Variants in ACVR1C observed in about 807,000 individuals in gnomAD.
ACVR1C encodes the protein activin A receptor type 1C, also known as activin receptor type-1C.
A neutral mutation model predicts 57.9 loss-of-function variants in ACVR1C; 23 were observed. The observed-to-expected ratio is 0.40, with a 90% CI of 0.29 to 0.56. The LOEUF is 0.56. ACVR1C is among the 20% of genes least tolerant of loss of function. The pLI, the probability that ACVR1C is intolerant of heterozygous loss-of-function variation, is 0.50. For missense variants in ACVR1C, 480 were observed against 607.9 expected (o/e 0.79, Z 2.21); for synonymous variants, 214 against 215.3 (o/e 0.99, Z 0.05).
rs1485128469 is a variant in ACVR1C, at chr2:157,527,814, G to C, written c.*6104C>G. ...TAAATGTCATTCTACGCTTGCATTT[G>C]TTAGACAAAATTTAGGCACACAATC... is the stretch of plus-strand genomic sequence containing the variant. On this transcript the variant is annotated 3_prime_UTR_variant, in exon 9 of 9. Transcript: ENST00000243349. 6.6e-6 allele frequency: 1 copy of C among 152,154 alleles called. No homozygotes were observed. The highest frequency in any genetic ancestry group is 1.5e-5 in the Non-Finnish European group (1 of 68,014). 9.4% of individuals were successfully genotyped at this position (152,154 alleles called of 1,614,324 possible).
chr2:157,609,767 T>C (rs1682490398), intron 1 of ACVR1C, among the ~76,000 whole-genome samples: 1 of 152,078 alleles, frequency 6.6e-6, no homozygotes, highest in Admixed American at 6.5e-5. Flanking sequence ...CTGATATAAG[T>C]ATAACGGCTC....
intron 2 of ACVR1C, among the ~76,000 whole-genome samples, chr2:157,573,360 A>C (rs1031550405): frequency 1.3e-5 from 2 of 152,184 alleles, no homozygotes; most frequent in Admixed American, 6.5e-5. Context: ...CCCACATTTT[A>C]ATGTTTTGTC....
chr2:157,551,914 G>A (rs1043554784), intron 3 of ACVR1C, among the ~76,000 whole-genome samples: 5 of 152,124 alleles, frequency 3.3e-5, no homozygotes, highest in Non-Finnish European at 4.4e-5. Context: ...TCAACAATTA[G>A]TCACAAAACC....
chr2:157,553,944 T>A (rs34113813), intron 3 of ACVR1C, among the ~76,000 whole-genome samples: 2,220 of 151,574 alleles, frequency 0.015, 24 homozygotes, highest in African/African-American at 0.027. Context: ...GCACTTTGGG[T>A]GGCCAAGGCA....
rs573174487 is a variant in ACVR1C at position 157,594,544 on chromosome 2, T to A, written c.74-7127A>T. 5.9e-5 allele frequency among the ~76,000 whole-genome samples: 9 copies of A among 152,258 alleles called. No homozygotes were observed. The South Asian group carries it at 1.7e-3, about 28-fold the overall frequency. On this transcript the variant is annotated intron_variant, in intron 1 of 8. Coordinates refer to ENST00000243349, the MANE Select transcript of ACVR1C (RefSeq NM_145259.3). ...AAACATCTCTAATTAATATTAAAAA[T>A]TGTTTATCCTGTACTATATGTATTA...
At chr2:157,585,795 T>G (rs1389938321) in intron 2 of ACVR1C, among the ~76,000 whole-genome samples, 2 of 152,158 alleles carry the variant, frequency 1.3e-5, no homozygotes, top group Admixed American at 1.3e-4. Context: ...AGGAAGTCTA[T>G]GGCATCTGAG....
At chr2:157,625,711 G>A (rs1050183488) in intron 1 of ACVR1C, among the ~76,000 whole-genome samples, 2 of 152,034 alleles carry the variant, frequency 1.3e-5, no homozygotes, top group African/African-American at 4.8e-5. Flanking sequence ...AACAACATAG[G>A]GCTTTCTGGA....
chr2:157,546,324 T>C (rs1329100547), intron 4 of ACVR1C, among the ~76,000 whole-genome samples: 2 of 152,218 alleles, frequency 1.3e-5, no homozygotes, highest in African/African-American at 4.8e-5. Flanking sequence ...ACTTTTTTGG[T>C]TAGCCATCTT....
chr2:157,588,236 T>TAC (rs10572950), intron 1 of ACVR1C, among the ~76,000 whole-genome samples: 6,210 of 147,832 alleles, frequency 0.042, 149 homozygotes, highest in Middle Eastern at 0.053. Flanking sequence ...CTCCACTTAC[T>TAC]ACACACACAC....
intron 2 of ACVR1C, among the ~76,000 whole-genome samples, chr2:157,559,662 A>T (rs1688191197): frequency 6.6e-6 from 1 of 152,178 alleles, no homozygotes; most frequent in Non-Finnish European, 1.5e-5. Flanking sequence ...AAATCCCAAA[A>T]GTGAGGTGGG....
At chr2:157,543,474 G>T (rs1164373665) in intron 5 of ACVR1C, among the ~76,000 whole-genome samples, 4 of 152,156 alleles carry the variant, frequency 2.6e-5, no homozygotes, top group African/African-American at 9.7e-5. Context: ...AAAAAAAGTT[G>T]TTATATTTAA....
chr2:157,579,973 G>T (rs1044776330), intron 2 of ACVR1C, among the ~76,000 whole-genome samples: 3 of 151,862 alleles, frequency 2.0e-5, no homozygotes, highest in Non-Finnish European at 2.9e-5. Flanking sequence ...TGTAAAATTT[G>T]TTTATGCCCT....
chr2:157,591,060 G>A (rs1184447391), intron 1 of ACVR1C, among the ~76,000 whole-genome samples: 1 of 152,044 alleles, frequency 6.6e-6, no homozygotes, highest in East Asian at 1.9e-4. Context: ...CTACCGAAGC[G>A]GGTAAAGTCA....
chr2:157,594,765 C>A (rs902194150), intron 1 of ACVR1C, among the ~76,000 whole-genome samples: 3 of 152,108 alleles, frequency 2.0e-5, no homozygotes, highest in African/African-American at 7.2e-5. Context: ...CAAAATAGCA[C>A]CACACTTCAG....
intron 3 of ACVR1C, among the ~76,000 whole-genome samples, chr2:157,553,396 C>CT (rs534657737): frequency 0.21 from 31,418 of 146,766 alleles, 4,567 homozygotes; most frequent in African/African-American, 0.43. Flanking sequence ...ACATTTACTA[C>CT]TTTTTTTTTT....
intron 1 of ACVR1C, among the ~76,000 whole-genome samples, chr2:157,613,090 G>A (rs2105150772): frequency 6.6e-6 from 1 of 152,302 alleles, no homozygotes; most frequent in South Asian, 2.1e-4. Context: ...GGACTGCTAA[G>A]GGTCTCTCAC....
At chr2:157,628,425 C>T (rs1682952185) in intron 1 of ACVR1C, 147 bp downstream of exon 1, 4 of 933,700 alleles carry the variant, frequency 4.3e-6, no homozygotes, top group Non-Finnish European at 5.0e-6. Context: ...CCCTATCCCG[C>T]GCCCCCTCAA....
chr2:157,613,604 T>C (rs1682583104), intron 1 of ACVR1C, among the ~76,000 whole-genome samples: 1 of 152,232 alleles, frequency 6.6e-6, no homozygotes, highest in African/African-American at 2.4e-5. Context: ...CATCTGGTTT[T>C]AAATGCATCT....
chr2:157,587,806 G>C (rs1688962835), intron 1 of ACVR1C, among the ~76,000 whole-genome samples: 1 of 152,000 alleles, frequency 6.6e-6, no homozygotes, highest in Non-Finnish European at 1.5e-5. Context: ...ACATTAAAGT[G>C]GGGTTATGGC....
Sources: gnomAD v4.1 joint callset for allele counts (sites outside exome capture counted in the v4.1 genomes callset) on GRCh38, gnomAD v4.1.1 for gene constraint, MANE v1.5 for transcripts, NCBI Gene and HGNC (gene_info 2026-07-23, HGNC 2026-07-21) for gene names.